The following LRP1B variants were observed in gnomAD, a reference collection of about 807,000 sequenced individuals.
LRP1B encodes the protein LDL receptor related protein 1B.
Under a neutral mutation model 556.6 loss-of-function variants are expected in LRP1B, and 217 were observed. The ratio of observed to expected loss-of-function variants is 0.39; its 90% CI spans 0.35 to 0.44. LRP1B has a LOEUF of 0.44. Among genes scored for constraint, LRP1B ranks in the 20% least tolerant of loss-of-function variants. The probability of loss-of-function intolerance (pLI) is 1.00; values close to 1 mark genes in which losing one functional copy is unlikely to be tolerated. For synonymous variants in LRP1B, 2,047 were observed against 1,865.8 expected, an observed-to-expected ratio of 1.10 and a Z score of -2.50; for missense variants, 5,053 against 5,620.8, an observed-to-expected ratio of 0.90 and a Z score of 3.23.
intron 1 of LRP1B, among the ~76,000 whole-genome samples, chr2:141,867,364 T>A (rs985125476): frequency 6.6e-6 from 1 of 152,134 alleles, no homozygotes; most frequent in Non-Finnish European, 1.5e-5. Context: ...TTAATTTTTC[T>A]AATCATATTT....
chr2:141,476,991 C>T (rs1019992114), intron 3 of LRP1B, among the ~76,000 whole-genome samples: 1 of 151,920 alleles, frequency 6.6e-6, no homozygotes, highest in African/African-American at 2.4e-5. Flanking sequence ...GGTGTGTTGG[C>T]GCATGCCTGT....
chr2:141,961,894 T>C (rs1200505857), intron 1 of LRP1B, among the ~76,000 whole-genome samples: 3 of 151,802 alleles, frequency 2.0e-5, no homozygotes, highest in Non-Finnish European at 4.4e-5. Context: ...GAAATTTATC[T>C]GTCTAGACTG....
At chr2:141,348,353 T>C (rs1688326226) in intron 3 of LRP1B, among the ~76,000 whole-genome samples, 1 of 152,004 alleles carries the variant, frequency 6.6e-6, no homozygotes, top group South Asian at 2.1e-4. Context: ...AGTTTTAAAA[T>C]GTCTGATTTT....
intron 1 of LRP1B, among the ~76,000 whole-genome samples, chr2:142,108,769 C>T (rs760415699): frequency 1.3e-5 from 2 of 152,106 alleles, no homozygotes; most frequent in African/African-American, 2.4e-5. Flanking sequence ...GCCATTAGTA[C>T]ATATTTACAT....
intron 3 of LRP1B, among the ~76,000 whole-genome samples, chr2:141,350,009 C>A (rs1688388234): frequency 6.6e-6 from 1 of 151,946 alleles, no homozygotes; most frequent in South Asian, 2.1e-4. Flanking sequence ...AGGTGAAAAC[C>A]ACATCTCACA....
At chr2:141,074,327 T>A (rs936439331) in intron 7 of LRP1B, among the ~76,000 whole-genome samples, 4 of 152,126 alleles carry the variant, frequency 2.6e-5, no homozygotes, top group Non-Finnish European at 4.4e-5. Context: ...CTGTGAAAGA[T>A]CTTTTCTGTT....
intron 43 of LRP1B, among the ~76,000 whole-genome samples, chr2:140,568,200 C>CAAAAAAAAAAAAAA (rs56676136): frequency 8.1e-6 from 1 of 123,702 alleles, no homozygotes; most frequent in African/African-American, 2.9e-5. Flanking sequence ...CACCATGGTC[C>CAAAAAAAAAAAAAA]AAAAAAAAAA....
intron 41 of LRP1B, among the ~76,000 whole-genome samples, chr2:140,673,944 CTT>C (rs150017745): frequency 2.1e-5 from 3 of 140,826 alleles, no homozygotes; most frequent in Non-Finnish European, 3.1e-5. Context: ...TTTCTTTTTT[CTT>C]TTTTTTTTTT....
intron 7 of LRP1B, among the ~76,000 whole-genome samples, chr2:141,097,541 T>A (rs1336469813): frequency 1.3e-5 from 2 of 152,188 alleles, no homozygotes; most frequent in African/African-American, 4.8e-5. Flanking sequence ...TGAATTGGAA[T>A]GTTAATTTTA....
chr2:140,743,476 T>C (rs1485617441), intron 35 of LRP1B, among the ~76,000 whole-genome samples: 1 of 152,158 alleles, frequency 6.6e-6, no homozygotes, highest in Non-Finnish European at 1.5e-5. Context: ...TTAGCAGCAA[T>C]ATCCTTTCAA....
intron 1 of LRP1B, among the ~76,000 whole-genome samples, chr2:141,963,697 C>T (rs1424220482): frequency 2.7e-5 from 4 of 147,838 alleles, no homozygotes; most frequent in South Asian, 2.2e-4. Flanking sequence ...ACAGGGATGC[C>T]CTCTCTCACC....
At chr2:140,331,169 C>A (rs919681854) in intron 79 of LRP1B, among the ~76,000 whole-genome samples, 1 of 152,040 alleles carries the variant, frequency 6.6e-6, no homozygotes, top group Admixed American at 6.6e-5. Flanking sequence ...ACGGAATCAA[C>A]CCAAATGCCC....
At chr2:141,615,034 T>C (rs1688244413) in intron 2 of LRP1B, among the ~76,000 whole-genome samples, 1 of 152,156 alleles carries the variant, frequency 6.6e-6, no homozygotes, top group African/African-American at 2.4e-5. Context: ...AGACTGTTGA[T>C]AGAAACATGT....
intron 2 of LRP1B, among the ~76,000 whole-genome samples, chr2:141,806,077 T>C (rs1696159168): frequency 6.6e-6 from 1 of 152,166 alleles, no homozygotes; most frequent in East Asian, 1.9e-4. Flanking sequence ...GTTTTAAGTA[T>C]AATGATGTCA....
intron 6 of LRP1B, among the ~76,000 whole-genome samples, chr2:141,208,674 T>C (rs901779680): frequency 5.3e-5 from 8 of 151,930 alleles, no homozygotes; most frequent in African/African-American, 1.9e-4. Flanking sequence ...GAGACCATCC[T>C]GGCTAACACA....
At chr2:141,890,323 CATATATATATAT>C (rs556472129) in intron 1 of LRP1B, among the ~76,000 whole-genome samples, 2 of 83,818 alleles carry the variant, frequency 2.4e-5, no homozygotes, top group Admixed American at 1.5e-4. Flanking sequence ...GGGCACAATA[CATATATATATAT>C]ATATATATAT....
chr2:140,643,505 CTGAT>C (rs775400908), intron 41 of LRP1B, among the ~76,000 whole-genome samples: 18 of 152,128 alleles, frequency 1.2e-4, no homozygotes, highest in Admixed American at 2.0e-4. Flanking sequence ...AGAATGTAAT[CTGAT>C]TGTTGGCAGT....
At chr2:141,578,979 C>A (rs1444813170) in intron 2 of LRP1B, among the ~76,000 whole-genome samples, 1 of 152,164 alleles carries the variant, frequency 6.6e-6, no homozygotes, top group East Asian at 1.9e-4. Context: ...AGGAGATCCT[C>A]TTTACGGTGT....
rs763972579 is a variant in LRP1B at position 141,005,399 on chromosome 2, T to C, written c.2439A>G (p.Pro813=). The change falls in exon 15 of 91, where the codon CCA becomes CCG. Residue 813 remains proline, a synonymous_variant. Coordinates refer to ENST00000389484, the MANE Select transcript of LRP1B (RefSeq NM_018557.3). ...GGCSTLCLAI[P]GGRVCACADN... ...CGGCACAAGCACACACCCGGCCTCC[T>C]GGGATAGCCAAGCAAAGTGTACTAC... 8.1e-6 allele frequency: 13 copies of C among 1,611,384 alleles called. No homozygotes were observed. In the Admixed American group the frequency reaches 2.2e-4, roughly 27 times the overall value.
Sources: gnomAD v4.1 joint callset for allele counts (sites outside exome capture counted in the v4.1 genomes callset) on GRCh38, gnomAD v4.1.1 for gene constraint, MANE v1.5 for transcripts, NCBI Gene and HGNC (gene_info 2026-07-23, HGNC 2026-07-21) for gene names.